GAB1: variants seen among roughly 807,000 people sequenced by gnomAD.
GAB1 encodes GRB2-associated-binding protein 1.
In GAB1, 19 loss-of-function variants were observed where a neutral mutation model predicts 66.5. The ratio of observed to expected loss-of-function variants is 0.29; its 90% CI spans 0.20 to 0.42. The LOEUF is 0.42. Ranked by LOEUF, GAB1 falls within the 10% of genes least tolerant of loss-of-function variation. The pLI is 1.00. For synonymous variants in GAB1, 294 were observed against 301.4 expected, an observed-to-expected ratio of 0.98 and a Z score of 0.25; for missense variants, 732 against 858.5, an observed-to-expected ratio of 0.85 and a Z score of 1.84.
At chr4:143,448,196 A>G (rs1461470609) in intron 6 of GAB1, among the ~76,000 whole-genome samples, 1 of 151,744 alleles carries the variant, frequency 6.6e-6, no homozygotes, top group Non-Finnish European at 1.5e-5. Flanking sequence ...GTTTGCCAGT[A>G]TTTTATTGAG....
Position 143,471,551 on chromosome 4 carries a change from A to T in GAB1, c.*2362A>T, listed in dbSNP as rs1736082510. 2 of 152,208 alleles carry T rather than the reference A, an allele frequency of 1.3e-5. No homozygotes were observed. The highest frequency in any genetic ancestry group is 4.8e-5 in the African/African-American group (2 of 41,468). 9.4% of individuals were successfully genotyped at this position (152,208 alleles called of 1,614,324 possible). On this transcript the variant is annotated 3_prime_UTR_variant, in exon 10 of 10. Coordinates refer to ENST00000262994, the MANE Select transcript of GAB1 (RefSeq NM_002039.4). Reference sequence around the variant, plus strand: ...TTCATTTTGGCTCATTACTAAGCATAATAAGATTCTGAGTTATTTCTGAAT... The same window carrying T: ...TTCATTTTGGCTCATTACTAAGCATTATAAGATTCTGAGTTATTTCTGAAT...
In GAB1 at chr4:143,339,033, A is replaced by G. The variant is rs555012358; in HGVS notation, c.72+1773A>G. On this transcript the variant is annotated intron_variant, in intron 1 of 9. Coordinates refer to ENST00000262994, the MANE Select transcript of GAB1 (RefSeq NM_002039.4). ...CTATTAACCAGGAAAGAAATCAGCC[A>G]AAAAGATTATGTCTTAACAAGAAAA... is the stretch of plus-strand genomic sequence containing the variant. Among the ~76,000 whole-genome samples, 9 of 152,354 alleles carry G rather than the reference A, an allele frequency of 5.9e-5. No individual in the cohort carries two copies. In the South Asian group the frequency reaches 1.9e-3, roughly 32 times the overall value.
chr4:143,367,112 C>T (rs934356256), intron 1 of GAB1, among the ~76,000 whole-genome samples: 4 of 152,252 alleles, frequency 2.6e-5, no homozygotes, highest in Admixed American at 1.3e-4. Context: ...AGGGACATTT[C>T]TGTTGGTATC....
intron 2 of GAB1, among the ~76,000 whole-genome samples, chr4:143,426,821 A>G (rs1239588889): frequency 6.6e-6 from 1 of 152,236 alleles, no homozygotes; most frequent in Non-Finnish European, 1.5e-5. Context: ...ATTTATGAAT[A>G]TTATAGTTAA....
At chr4:143,400,851 C>A (rs1731732712) in intron 1 of GAB1, among the ~76,000 whole-genome samples, 1 of 151,876 alleles carries the variant, frequency 6.6e-6, no homozygotes, top group South Asian at 2.1e-4. Flanking sequence ...CACCTGTAAT[C>A]CCAGCTACTT....
At chr4:143,348,142 TCTTA>T (rs566168916) in intron 1 of GAB1, among the ~76,000 whole-genome samples, 176 of 152,356 alleles carry the variant, frequency 1.2e-3, no homozygotes, top group African/African-American at 4.2e-3. Flanking sequence ...CCATAAGAAC[TCTTA>T]CTAACTTATA....
At chr4:143,452,336 G>A (rs1431324159) in intron 6 of GAB1, among the ~76,000 whole-genome samples, 1 of 152,114 alleles carries the variant, frequency 6.6e-6, no homozygotes, top group African/African-American at 2.4e-5. Flanking sequence ...TAAGAGTTTA[G>A]AAGTGTCCTC....
At chr4:143,417,354 G>T in intron 2 of GAB1, 1 of 384,750 alleles carries the variant, frequency 2.6e-6, no homozygotes, top group Non-Finnish European at 5.1e-6. Context: ...AGTGACTAGA[G>T]GGCTCAAGAA....
chr4:143,394,277 C>T (rs1316684066), intron 1 of GAB1, among the ~76,000 whole-genome samples: 38 of 151,548 alleles, frequency 2.5e-4, no homozygotes, highest in African/African-American at 7.8e-4. Context: ...GACTCTGTCT[C>T]AAAACAAAAC....
chr4:143,435,072 A>G (rs1733875869), intron 3 of GAB1, among the ~76,000 whole-genome samples: 1 of 152,166 alleles, frequency 6.6e-6, no homozygotes, highest in Admixed American at 6.5e-5. Context: ...ATAATTAAGC[A>G]TTATTTTATG....
intron 8 of GAB1, among the ~76,000 whole-genome samples, chr4:143,462,223 G>A (rs924833365): frequency 1.3e-5 from 2 of 152,052 alleles, no homozygotes; most frequent in African/African-American, 2.4e-5. Flanking sequence ...TTCAATTTGA[G>A]TGGAGTTCTA....
At chr4:143,425,943 C>T (rs970325082) in intron 2 of GAB1, 42 of 964,876 alleles carry the variant, frequency 4.4e-5, no homozygotes, top group African/African-American at 3.4e-4. Flanking sequence ...TGTTCTTGCA[C>T]GGGTTCTTAA....
At chr4:143,344,819 C>G (rs1291864497) in intron 1 of GAB1, among the ~76,000 whole-genome samples, 1 of 152,222 alleles carries the variant, frequency 6.6e-6, no homozygotes, top group East Asian at 1.9e-4. Context: ...TTCACTTATT[C>G]ATAGGAGCGA....
intron 1 of GAB1, among the ~76,000 whole-genome samples, chr4:143,352,541 G>T (rs1729273463): frequency 6.6e-6 from 1 of 152,212 alleles, no homozygotes; most frequent in Non-Finnish European, 1.5e-5. Context: ...GCAGTCAGTG[G>T]TCCTTAAACT....
rs1395757439 is a variant in GAB1, at chr4:143,439,419, GTATC to G, written c.1196-380_1196-377del. Among the ~76,000 whole-genome samples, 7 of 152,278 alleles carry G rather than the reference GTATC, an allele frequency of 4.6e-5. No individual in the cohort carries two copies. In the South Asian group the frequency reaches 1.5e-3, roughly 32 times the overall value. Reference sequence around the variant, plus strand: ...GTACTTATTTCACCATTCAATAACAGTATCTAACTCCTTTCTTGAAGTGACTGTA... The same window carrying G: ...GTACTTATTTCACCATTCAATAACAGTAACTCCTTTCTTGAAGTGACTGTA... On this transcript the variant is annotated intron_variant, in intron 4 of 9. Transcript: ENST00000262994.
intron 1 of GAB1, among the ~76,000 whole-genome samples, chr4:143,377,499 G>C (rs778307819): frequency 6.6e-6 from 1 of 152,190 alleles, no homozygotes; most frequent in Non-Finnish European, 1.5e-5. Flanking sequence ...GCAGGGAGAC[G>C]TTTTTCTCAG....
At chr4:143,399,188 G>A (rs1472210758) in intron 1 of GAB1, among the ~76,000 whole-genome samples, 1 of 152,194 alleles carries the variant, frequency 6.6e-6, no homozygotes, top group Non-Finnish European at 1.5e-5. Context: ...AAAGTGGCCA[G>A]ACCATGTCAG....
intron 1 of GAB1, among the ~76,000 whole-genome samples, chr4:143,353,137 T>C (rs1011663423): frequency 6.6e-6 from 1 of 152,228 alleles, no homozygotes; most frequent in African/African-American, 2.4e-5. Context: ...GGATTAGCTG[T>C]TCACCAGAAG....
chr4:143,338,817 G>T (rs1241855266), intron 1 of GAB1, among the ~76,000 whole-genome samples: 1 of 152,024 alleles, frequency 6.6e-6, no homozygotes, highest in South Asian at 2.1e-4. Context: ...CAGATTCTTG[G>T]AGGAATTAAA....
Sources: gnomAD v4.1 joint callset for allele counts (sites outside exome capture counted in the v4.1 genomes callset) on GRCh38, gnomAD v4.1.1 for gene constraint, MANE v1.5 for transcripts, NCBI Gene and HGNC (gene_info 2026-07-23, HGNC 2026-07-21) for gene names.